CSMD2: variants seen among roughly 807,000 people sequenced by gnomAD.
CSMD2 encodes CUB and Sushi multiple domains 2.
In CSMD2, 130 loss-of-function variants were observed where a neutral mutation model predicts 398.5. The ratio of observed to expected loss-of-function variants is 0.33; its 90% confidence interval spans 0.28 to 0.38. The LOEUF (loss-of-function observed/expected upper bound fraction) is 0.38. Among genes scored for constraint, CSMD2 ranks in the 10% least tolerant of loss-of-function variants. The probability of loss-of-function intolerance (pLI) is 1.00; values close to 1 mark genes in which losing one functional copy is unlikely to be tolerated. For missense variants in CSMD2, 3,829 were observed against 4,764.9 expected (o/e 0.80, Z 5.78); for synonymous variants, 1,828 against 1,908.5 (o/e 0.96, Z 1.10).
chr1:33,733,535 G>A (rs552634939), intron 15 of CSMD2, among the ~76,000 whole-genome samples: 70 of 152,280 alleles, frequency 4.6e-4, no homozygotes, highest in African/African-American at 1.6e-3. Flanking sequence ...TGTTGATATG[G>A]TTGGGCTCTG....
At chr1:33,932,686 C>T (rs1285487841) in intron 4 of CSMD2, among the ~76,000 whole-genome samples, 1 of 152,140 alleles carries the variant, frequency 6.6e-6, no homozygotes, top group African/African-American at 2.4e-5. Flanking sequence ...ATGAGGTGCC[C>T]CTCATCACTT....
intron 3 of CSMD2, among the ~76,000 whole-genome samples, chr1:34,012,301 A>C (rs562232029): frequency 6.6e-6 from 1 of 151,968 alleles, no homozygotes; most frequent in Non-Finnish European, 1.5e-5. Context: ...TCTTCACACA[A>C]ATACCACCTT....
At chr1:33,530,142 G>A (rs1655108877) in intron 64 of CSMD2, among the ~76,000 whole-genome samples, 1 of 152,148 alleles carries the variant, frequency 6.6e-6, no homozygotes, top group South Asian at 2.1e-4. Flanking sequence ...AATCAACAGA[G>A]TGAAGAGGCA....
chr1:33,625,151 T>G lies in CSMD2; in HGVS notation c.5400A>C (p.Glu1800Asp), dbSNP rs35761029. Residue 1800 changes from glutamate to aspartate, a missense_variant, in exon 34 of 71, where the codon GAA becomes GAC. This residue lies in a region of CSMD2 where 2,001 missense variants were observed against 2,567.1 expected (regional missense o/e 0.78). Transcript: ENST00000373381. ...CCTGCAGGGCATAGCCGGAGTTGCA[T>G]TCGAAGCGGACGATGGCCCCCACCG... ...DFSVGAIVRF[E>D]CNSGYALQGS... 1.2e-6 allele frequency: 2 copies of G among 1,613,524 alleles called. No individual in the cohort carries two copies.
chr1:33,713,752 G>A (rs72662080), intron 21 of CSMD2, among the ~76,000 whole-genome samples: 1 of 152,084 alleles, frequency 6.6e-6, no homozygotes, highest in African/African-American at 2.4e-5. Context: ...GCATGCTCAT[G>A]GTTTGGGTCT....
At chr1:33,995,360 G>T (rs2358755) in intron 3 of CSMD2, among the ~76,000 whole-genome samples, 65,670 of 152,010 alleles carry the variant, frequency 0.43, 14,589 homozygotes, top group Middle Eastern at 0.51. Context: ...GCAGGACTAC[G>T]ACACTGTCAC....
chr1:33,664,830 GAAAAT>G (rs1033721645), intron 25 of CSMD2, among the ~76,000 whole-genome samples: 18 of 151,680 alleles, frequency 1.2e-4, no homozygotes, highest in Non-Finnish European at 4.4e-5. Context: ...TAAATAAAAA[GAAAAT>G]AAAATAAATA....
At chr1:34,084,426 C>G (rs1184778625) in intron 2 of CSMD2, among the ~76,000 whole-genome samples, 1 of 152,142 alleles carries the variant, frequency 6.6e-6, no homozygotes, top group Non-Finnish European at 1.5e-5. Flanking sequence ...AAGAAACCAC[C>G]ATCAGAGTGA....
intron 3 of CSMD2, among the ~76,000 whole-genome samples, chr1:34,000,163 C>A (rs532342902): frequency 6.6e-6 from 1 of 152,156 alleles, no homozygotes; most frequent in South Asian, 2.1e-4. Flanking sequence ...AGACCTTCAG[C>A]GAAATTTTCT....
chr1:33,603,248 T>C lies in CSMD2; in HGVS notation c.6533-702A>G, dbSNP rs1304899737. ...TAGATAAGATCCTCTCTCCTTATCT[T>C]CCTGTTCCCCAAAAGCAATACTCAA... On this transcript the variant is annotated intron_variant, in intron 42 of 70. Coordinates refer to ENST00000373381, the MANE Select transcript of CSMD2 (RefSeq NM_001281956.2). Among the ~76,000 whole-genome samples the C allele has an allele frequency of 2.6e-5, 4 of 152,264 alleles. No individual in the cohort carries two copies. In the East Asian group the frequency reaches 5.8e-4, roughly 22 times the overall value.
chr1:34,101,629 A>T (rs1659952539), intron 1 of CSMD2, among the ~76,000 whole-genome samples: 1 of 152,190 alleles, frequency 6.6e-6, no homozygotes, highest in Non-Finnish European at 1.5e-5. Flanking sequence ...TATGACTCAG[A>T]TTCAACATCT....
rs77467529 is a variant in CSMD2 at position 33,798,312 on chromosome 1, C to A, written c.1447-5786G>T. On this transcript the variant is annotated intron_variant, in intron 10 of 70. Coordinates refer to ENST00000373381, the MANE Select transcript of CSMD2 (RefSeq NM_001281956.2). Reference sequence around the variant, plus strand: ...GAATAAACAAACCCATCATCTAGGACATAATTACTGAGCACCTGCCATGTG... The same window carrying A: ...GAATAAACAAACCCATCATCTAGGAAATAATTACTGAGCACCTGCCATGTG... Among the ~76,000 whole-genome samples the A allele has an allele frequency of 9.7e-3, 1,471 of 152,342 alleles. 5 individuals carry two copies. The highest frequency in any genetic ancestry group is 0.024 in the Middle Eastern group (7 of 294).
At chr1:33,588,721 C>T (rs1418296958) in intron 44 of CSMD2, among the ~76,000 whole-genome samples, 1 of 152,198 alleles carries the variant, frequency 6.6e-6, no homozygotes, top group Non-Finnish European at 1.5e-5. Flanking sequence ...CTGTACCATC[C>T]ACATCCAGTG....
intron 5 of CSMD2, among the ~76,000 whole-genome samples, chr1:33,897,355 C>T (rs1318909611): frequency 1.3e-5 from 2 of 152,174 alleles, no homozygotes; most frequent in African/African-American, 4.8e-5. Flanking sequence ...CTGGCTCTGC[C>T]ACATGTTTGC....
intron 5 of CSMD2, among the ~76,000 whole-genome samples, chr1:33,885,670 T>C (rs1641543817): frequency 6.6e-6 from 1 of 152,204 alleles, no homozygotes. Context: ...CAAATTCCTA[T>C]GCCAGTGTCT....
In CSMD2 at chr1:33,925,588, C is replaced by T. The variant is rs577169676; in HGVS notation, c.713-7287G>A. 2.2e-3 allele frequency among the ~76,000 whole-genome samples: 341 copies of T among 152,146 alleles called. 1 individual carries two copies. Among genetic ancestry groups the T allele is most frequent in the African/African-American group, 7.4e-3 (309 of 41,492 alleles). ...TTTTCTATTTCTGTGAAAAATGACA[C>T]GGGTATTTTGATACAGATTACATTG... On this transcript the variant is annotated intron_variant, in intron 4 of 70. Coordinates refer to ENST00000373381, the MANE Select transcript of CSMD2 (RefSeq NM_001281956.2).
chr1:33,745,481 A>G (rs1407035668), intron 13 of CSMD2, among the ~76,000 whole-genome samples: 5 of 152,240 alleles, frequency 3.3e-5, no homozygotes, highest in African/African-American at 1.2e-4. Context: ...TTGACTTACT[A>G]AAGGTAATGA....
At chr1:33,957,432 T>C (rs939696867) in intron 3 of CSMD2, among the ~76,000 whole-genome samples, 2 of 152,190 alleles carry the variant, frequency 1.3e-5, no homozygotes, top group Non-Finnish European at 2.9e-5. Flanking sequence ...CTGGGCCTCC[T>C]GCCTCATTGA....
At chr1:33,768,732 C>G (rs934960920) in intron 13 of CSMD2, among the ~76,000 whole-genome samples, 2 of 152,106 alleles carry the variant, frequency 1.3e-5, no homozygotes, top group Admixed American at 1.3e-4. Context: ...AAGCCCAGCT[C>G]AAGTCTTGTA....
Sources: gnomAD v4.1 joint callset for allele counts (sites outside exome capture counted in the v4.1 genomes callset) on GRCh38, gnomAD v4.1.1 for gene constraint, gnomAD v4.1.1 regional missense constraint, MANE v1.5 for transcripts, NCBI Gene and HGNC (gene_info 2026-07-23, HGNC 2026-07-21) for gene names.